RBX1: variants seen among roughly 807,000 people sequenced by gnomAD.
The protein encoded by RBX1 is E3 ubiquitin-protein ligase RBX1.
For synonymous variants in RBX1, 48 were observed against 47.9 expected (o/e 1.00, Z -0.01); for missense variants, 46 against 141.4 (o/e 0.33, Z 3.42).
chr22:40,970,687 G>A (rs913269283), intron 4 of RBX1, among the ~76,000 whole-genome samples: 2 of 151,718 alleles, frequency 1.3e-5, no homozygotes, highest in Non-Finnish European at 2.9e-5. Context: ...AATTTTTTAC[G>A]GGAAAGGAGT....
chr22:40,954,287 C>CT (rs1259766796), intron 2 of RBX1, among the ~76,000 whole-genome samples: 1 of 149,320 alleles, frequency 6.7e-6, no homozygotes, highest in East Asian at 2.0e-4. Context: ...AAAAAAAAGT[C>CT]TATCTGATCT....
chr22:40,956,905 G>A (rs2058327094), intron 2 of RBX1, among the ~76,000 whole-genome samples: 2 of 151,624 alleles, frequency 1.3e-5, no homozygotes, highest in Admixed American at 6.6e-5. Flanking sequence ...TGCGATGGCG[G>A]GCGCCTGTAG....
chr22:40,969,457 G>A (rs1186820883), intron 4 of RBX1, among the ~76,000 whole-genome samples: 2 of 151,980 alleles, frequency 1.3e-5, no homozygotes, highest in East Asian at 2.0e-4. Context: ...GAATTTATGG[G>A]TAAAGAGTAT....
In RBX1 at chr22:40,972,893, A is replaced by G. The variant is rs1469510916; in HGVS notation, c.*405A>G. The G allele has an allele frequency of 5.9e-6, 1 of 170,002 alleles. No individual in the cohort carries two copies. Among genetic ancestry groups the G allele is most frequent in the Non-Finnish European group, 1.3e-5 (1 of 78,472 alleles). 10.5% of individuals were successfully genotyped at this position (170,002 alleles called of 1,614,324 possible). The stretch of plus-strand genomic sequence containing the variant: ...GCCCTTCTTTCTCCTGTGTGACAGC[A>G]GTGGGCAGCTGAAAGAGGGAAGAAT... On this transcript the variant is annotated 3_prime_UTR_variant, in exon 5 of 5. Transcript: ENST00000216225.
At chr22:40,954,723 G>C (rs2058320469) in intron 2 of RBX1, among the ~76,000 whole-genome samples, 1 of 150,586 alleles carries the variant, frequency 6.6e-6, no homozygotes, top group Non-Finnish European at 1.5e-5. Flanking sequence ...CACTCTGTTA[G>C]TTTACCTGGA....
chr22:40,964,723 G>C (rs1206199872), intron 3 of RBX1, among the ~76,000 whole-genome samples: 1 of 152,148 alleles, frequency 6.6e-6, no homozygotes, highest in Non-Finnish European at 1.5e-5. Flanking sequence ...CCAGTCACAT[G>C]AGCTAAAATT....
intron 1 of RBX1, among the ~76,000 whole-genome samples, chr22:40,952,737 A>G (rs2058314823): frequency 6.6e-6 from 1 of 152,104 alleles, no homozygotes; most frequent in South Asian, 2.1e-4. Flanking sequence ...GAATTGTAGA[A>G]TTTGTTATGA....
chr22:40,954,410 T>G (rs1234789131), intron 2 of RBX1, among the ~76,000 whole-genome samples: 2 of 152,156 alleles, frequency 1.3e-5, no homozygotes, highest in Non-Finnish European at 2.9e-5. Context: ...AAATAAATAA[T>G]TAATTGCACT....
In RBX1 at chr22:40,972,538, CTT is replaced by C. The variant is rs1569046871; in HGVS notation, c.*52_*53del. The C allele has an allele frequency of 3.4e-6, 5 of 1,471,122 alleles. No individual in the cohort carries two copies. In the Admixed American group the frequency reaches 8.5e-5, roughly 25 times the overall value. The allele number at this position is 1,471,122 out of a possible 1,614,324, so 91.1% of individuals were successfully genotyped here. A position where few individuals can be genotyped will look rare whatever the true frequency, so the allele number is the denominator to read the frequency against. ...AATTGTTTTGTTATTCATTTAATGA[CTT>C]TCCCTGCTGTTACCTAATTACAAAT... is the stretch of plus-strand genomic sequence containing the variant. On this transcript the variant is annotated 3_prime_UTR_variant, in exon 5 of 5. Transcript: ENST00000216225.
intron 2 of RBX1, among the ~76,000 whole-genome samples, chr22:40,958,338 GAACTT>G (rs2058331140): frequency 6.6e-6 from 1 of 150,666 alleles, no homozygotes; most frequent in African/African-American, 2.4e-5. Flanking sequence ...TATGGGAAAA[GAACTT>G]AGCAAGTAAA....
chr22:40,963,798 C>T (rs1346875763), intron 2 of RBX1, among the ~76,000 whole-genome samples: 3 of 152,146 alleles, frequency 2.0e-5, no homozygotes, highest in Non-Finnish European at 2.9e-5. Context: ...GTGAGCCATG[C>T]TCATGCCACT....
At position 40,953,593 on chromosome 22, in the gene RBX1, T is replaced by C. The variant is rs1264230640; in HGVS notation, c.117T>C (p.Val39=). ...AVALWAWDIV[V]DNCAICRNHI... is the part of the protein sequence containing the mutation. The stretch of plus-strand genomic sequence containing the variant: ...CCCTCTGGGCCTGGGATATTGTGGT[T>C]GATAACTGTGCCATCTGCAGGAACC... The change falls in exon 2 of 5, where the codon GTT becomes GTC. Residue 39 remains valine (V), a synonymous_variant. Coordinates refer to ENST00000216225, the MANE Select transcript of RBX1 (RefSeq NM_014248.4). 2 of 1,611,420 alleles carry C rather than the reference T, an allele frequency of 1.2e-6. No homozygotes were observed. The highest frequency in any genetic ancestry group is 2.2e-5 in the South Asian group (2 of 91,022).
chr22:40,959,295 A>G (rs577137479), intron 2 of RBX1, among the ~76,000 whole-genome samples: 3 of 152,220 alleles, frequency 2.0e-5, no homozygotes, highest in Non-Finnish European at 4.4e-5. Flanking sequence ...GCCACTGTCA[A>G]CCTGTTCTGG....
intron 4 of RBX1, 145 bp from the exon 5 acceptor site, chr22:40,972,331 C>T (rs564473571): frequency 2.5e-4 from 149 of 605,996 alleles, no homozygotes; most frequent in Non-Finnish European, 4.1e-4. Flanking sequence ...GACAGCCAAG[C>T]TAGTGTCAGT....
At chr22:40,962,495 CT>C (rs767224631) in intron 2 of RBX1, among the ~76,000 whole-genome samples, 215 of 132,598 alleles carry the variant, frequency 1.6e-3, no homozygotes, top group Admixed American at 2.8e-3. Context: ...AATAGTTTTA[CT>C]TTTTTTTTTT....
chr22:40,955,888 A>G (rs1332189672), intron 2 of RBX1, among the ~76,000 whole-genome samples: 2 of 152,194 alleles, frequency 1.3e-5, no homozygotes, highest in Non-Finnish European at 2.9e-5. Context: ...CCGTGAACCC[A>G]TCACAGAAAA....
intron 2 of RBX1, among the ~76,000 whole-genome samples, chr22:40,960,960 C>T (rs1477840610): frequency 3.9e-5 from 6 of 151,960 alleles, no homozygotes; most frequent in South Asian, 2.1e-4. Context: ...GACAGAGTTT[C>T]GCCATGTTGG....
Position 40,972,523 on chromosome 22 carries a change from T to A in RBX1, c.*35T>A. The A allele has an allele frequency of 6.4e-7, 1 of 1,566,146 alleles. No homozygotes were observed. Among genetic ancestry groups the A allele is most frequent in the East Asian group, 2.2e-5 (1 of 44,682 alleles). Reference sequence around the variant, plus strand: ...TCTTCCATCAAGCTTAATTGTTTTGTTATTCATTTAATGACTTTCCCTGCT... The same window carrying A: ...TCTTCCATCAAGCTTAATTGTTTTGATATTCATTTAATGACTTTCCCTGCT... On this transcript the variant is annotated 3_prime_UTR_variant, in exon 5 of 5. Transcript: ENST00000216225.
In RBX1 at chr22:40,953,510, T is replaced by G. The variant is rs775982646; in HGVS notation, c.79-45T>G. On this transcript the variant is annotated intron_variant, in intron 1 of 4. Transcript: ENST00000216225. ...CCTGAGGTCCTAAAGAGTATGTGTG[T>G]GTGTTACAAGCAGAATGCACTGTTC... The G allele has an allele frequency of 5.8e-5, 72 of 1,238,524 alleles. 5 individuals carry two copies. In the South Asian group the frequency reaches 8.5e-4, roughly 15 times the overall value. The allele number at this position is 1,238,524 out of a possible 1,614,324, so 76.7% of individuals were successfully genotyped here.
Sources: gnomAD v4.1 joint callset for allele counts (sites outside exome capture counted in the v4.1 genomes callset) on GRCh38, gnomAD v4.1.1 for gene constraint, MANE v1.5 for transcripts, NCBI Gene and HGNC (gene_info 2026-07-23, HGNC 2026-07-21) for gene names.